CLYBL: variants seen among roughly 807,000 people sequenced by gnomAD.
CLYBL encodes citramalyl-CoA lyase, mitochondrial.
A neutral mutation model predicts 38.9 loss-of-function variants in CLYBL; 31 were observed. That is an observed-to-expected ratio of 0.80 (90% CI 0.60 to 1.08). The LOEUF (loss-of-function observed/expected upper bound fraction) is 1.08. Ranked by LOEUF, CLYBL falls within the 50% of genes least tolerant of loss-of-function variation. The probability of loss-of-function intolerance (pLI) is 0.00; values close to 1 mark genes in which losing one functional copy is unlikely to be tolerated. For synonymous variants in CLYBL, 171 were observed against 158.6 expected, an observed-to-expected ratio of 1.08 and a Z score of -0.59; for missense variants, 434 against 411.6, an observed-to-expected ratio of 1.05 and a Z score of -0.47.
chr13:99,861,849 C>T (rs192977776), intron 3 of CLYBL, among the ~76,000 whole-genome samples: 129 of 152,286 alleles, frequency 8.5e-4, no homozygotes, highest in African/African-American at 2.9e-3. Flanking sequence ...CCTCTAATCC[C>T]GCTTCTGGTA....
intron 1 of CLYBL, among the ~76,000 whole-genome samples, chr13:99,701,372 G>A (rs1238058824): frequency 2.6e-5 from 4 of 152,034 alleles, no homozygotes; most frequent in Admixed American, 2.0e-4. Context: ...GTGCAGTGGC[G>A]GGATCTCGGC....
chr13:99,630,957 C>A (rs2046935336), intron 1 of CLYBL, among the ~76,000 whole-genome samples: 1 of 152,074 alleles, frequency 6.6e-6, no homozygotes, highest in African/African-American at 2.4e-5. Flanking sequence ...TTTGCTGAAC[C>A]ACTACACTTT....
At chr13:99,674,624 G>C (rs1449711074) in intron 1 of CLYBL, among the ~76,000 whole-genome samples, 1 of 152,080 alleles carries the variant, frequency 6.6e-6, no homozygotes, top group Non-Finnish European at 1.5e-5. Context: ...GTTTCCCCAC[G>C]AAGACCTCAG....
chr13:99,736,915 C>T (rs972801132), intron 1 of CLYBL, among the ~76,000 whole-genome samples: 1 of 152,114 alleles, frequency 6.6e-6, no homozygotes, highest in Non-Finnish European at 1.5e-5. Flanking sequence ...TGCCCAGTAT[C>T]TATTTGTTGA....
chr13:99,675,428 A>T (rs1369926888), intron 1 of CLYBL, among the ~76,000 whole-genome samples: 2 of 152,178 alleles, frequency 1.3e-5, no homozygotes, highest in African/African-American at 4.8e-5. Flanking sequence ...TTTTTAGTCT[A>T]TTCAGTGTTA....
chr13:99,862,541 T>C (rs1311059236), intron 3 of CLYBL, among the ~76,000 whole-genome samples: 1 of 152,196 alleles, frequency 6.6e-6, no homozygotes, highest in Admixed American at 6.6e-5. Flanking sequence ...ATGAATAATA[T>C]GGACTCCACG....
At chr13:99,881,190 T>A (rs72656005) in intron 7 of CLYBL, among the ~76,000 whole-genome samples, 11,039 of 152,258 alleles carry the variant, frequency 0.073, 612 homozygotes, top group African/African-American at 0.15. Flanking sequence ...ATTAGCACAA[T>A]GTGAATTGGT....
At chr13:99,795,479 T>G (rs1361663430) in intron 2 of CLYBL, among the ~76,000 whole-genome samples, 1 of 151,978 alleles carries the variant, frequency 6.6e-6, no homozygotes, top group Non-Finnish European at 1.5e-5. Context: ...CATAGTGAGA[T>G]CCCACCTCTA....
chr13:99,820,794 G>C (rs1201049604), intron 2 of CLYBL, among the ~76,000 whole-genome samples: 1 of 152,202 alleles, frequency 6.6e-6, no homozygotes, highest in Non-Finnish European at 1.5e-5. Flanking sequence ...CTGTTCTCCG[G>C]TCGGGATGGC....
chr13:99,615,169 G>A (rs1259003092), intron 1 of CLYBL, among the ~76,000 whole-genome samples: 1 of 152,224 alleles, frequency 6.6e-6, no homozygotes, highest in Non-Finnish European at 1.5e-5. Flanking sequence ...AGCTGACACT[G>A]CTCAGCCTCA....
intron 1 of CLYBL, among the ~76,000 whole-genome samples, chr13:99,609,125 T>C (rs1397425674): frequency 1.3e-5 from 2 of 151,442 alleles, no homozygotes; most frequent in African/African-American, 4.9e-5. Flanking sequence ...TGTTCCATTT[T>C]CTTTCTGTTC....
chr13:99,739,588 T>C (rs958109719), intron 1 of CLYBL, among the ~76,000 whole-genome samples: 3 of 152,244 alleles, frequency 2.0e-5, no homozygotes, highest in African/African-American at 7.2e-5. Context: ...AAGGCTAGAA[T>C]TGTTATGTCA....
intron 1 of CLYBL, among the ~76,000 whole-genome samples, chr13:99,635,725 G>A (rs2047009145): frequency 6.6e-6 from 1 of 152,198 alleles, no homozygotes. Context: ...AGAGGACAGG[G>A]TTTGGAGTTG....
intron 1 of CLYBL, among the ~76,000 whole-genome samples, chr13:99,751,120 A>G (rs1437479632): frequency 6.6e-6 from 1 of 152,216 alleles, no homozygotes; most frequent in Non-Finnish European, 1.5e-5. Context: ...TGACAGATTT[A>G]TGGATATCAG....
intron 2 of CLYBL, 27 bp from the exon 3 acceptor site, chr13:99,858,834 C>T: frequency 1.3e-6 from 2 of 1,541,686 alleles, no homozygotes; most frequent in Non-Finnish European, 1.8e-6. Flanking sequence ...TAAAAATAAA[C>T]AATAAACTTT....
rs2049426128 is a variant in CLYBL, at chr13:99,772,856, T to G, written c.95T>G (p.Leu32Arg). 2.5e-6 allele frequency: 4 copies of G among 1,610,180 alleles called. No homozygotes were observed. Among genetic ancestry groups the G allele is most frequent in the African/African-American group, 2.7e-5 (2 of 74,688 alleles). The change falls in exon 2 of 9, where the codon CTT becomes CGT. Residue 32 changes from leucine (L) to arginine (R), a missense_variant. Transcript: ENST00000339105. The stretch of plus-strand genomic sequence containing the variant: ...TCTCTAGCAGCTGATATCCCCAGAC[T>G]TGGATATAGTTCCTCATCCCATCAC... ...KASLAADIPR[L>R]GYSSSSHHKY... is the part of the protein sequence containing the mutation.
chr13:99,844,243 G>C (rs1031926575), intron 2 of CLYBL, among the ~76,000 whole-genome samples: 1 of 152,178 alleles, frequency 6.6e-6, no homozygotes, highest in African/African-American at 2.4e-5. Flanking sequence ...CTCACCTCAA[G>C]TGCTGCCTAG....
At chr13:99,617,491 A>G (rs9585148) in intron 1 of CLYBL, among the ~76,000 whole-genome samples, 2,829 of 152,312 alleles carry the variant, frequency 0.019, 86 homozygotes, top group African/African-American at 0.064. Context: ...TTCTGTGGCC[A>G]AAAACAAAAG....
chr13:99,772,879 CA>C lies in CLYBL; in HGVS notation c.119del (p.His40ProfsTer20). 1.2e-6 allele frequency: 2 copies of C among 1,612,978 alleles called. No homozygotes were observed. The highest frequency in any genetic ancestry group is 1.7e-6 in the Non-Finnish European group (2 of 1,179,780). ...PRLGYSSSSH[H>X]KYIPRRAVLY... The stretch of plus-strand genomic sequence containing the variant: ...ACTTGGATATAGTTCCTCATCCCAT[CA>C]CAAGTACATCCCCCGGAGGGCAGTG... On this transcript the variant is annotated frameshift_variant, in exon 2 of 9. Coordinates refer to ENST00000339105, the MANE Select transcript of CLYBL (RefSeq NM_206808.5). LOFTEE classifies it high-confidence loss of function.
Sources: gnomAD v4.1 joint callset for allele counts (sites outside exome capture counted in the v4.1 genomes callset) on GRCh38, gnomAD v4.1.1 for gene constraint, MANE v1.5 for transcripts, NCBI Gene and HGNC (gene_info 2026-07-23, HGNC 2026-07-21) for gene names.